SLC16A12: variants seen among roughly 807,000 people sequenced by gnomAD.
SLC16A12 encodes solute carrier family 16 member 12.
A neutral mutation model predicts 42.4 loss-of-function variants in SLC16A12; 17 were observed. The observed-to-expected ratio is 0.40, with a 90% CI of 0.27 to 0.60. The LOEUF (loss-of-function observed/expected upper bound fraction) is 0.60, where lower values mean the gene tolerates loss of function less well. Among genes scored for constraint, SLC16A12 ranks in the 20% least tolerant of loss-of-function variants. The probability of loss-of-function intolerance (pLI) is 0.42; values close to 1 mark genes in which losing one functional copy is unlikely to be tolerated. For synonymous variants in SLC16A12, 224 were observed against 229.4 expected, an observed-to-expected ratio of 0.98 and a Z score of 0.21; for missense variants, 544 against 623.0, an observed-to-expected ratio of 0.87 and a Z score of 1.35.
chr10:89,532,013 G>A (rs1367941900), intron 2 of SLC16A12, among the ~76,000 whole-genome samples: 1 of 152,184 alleles, frequency 6.6e-6, no homozygotes, highest in Non-Finnish European at 1.5e-5. Context: ...AGCTGCATCA[G>A]AGGCATGTTC....
chr10:89,430,632 T>C lies in SLC16A12; in HGVS notation c.*2432A>G, dbSNP rs1465997192. The stretch of plus-strand genomic sequence containing the variant: ...AATTCTGTGTAGAAATGTAAAATAG[T>C]AGACCTTAAGATGTACATTTTTCTT... On this transcript the variant is annotated 3_prime_UTR_variant, in exon 8 of 8. Coordinates refer to ENST00000371790, the MANE Select transcript of SLC16A12 (RefSeq NM_213606.4). 1 of 465,338 alleles carries C rather than the reference T, an allele frequency of 2.1e-6. No homozygotes were observed. The highest frequency in any genetic ancestry group is 7.0e-5 in the East Asian group (1 of 14,362). The allele number at this position is 465,338 out of a possible 1,614,324, so 28.8% of individuals were successfully genotyped here. A position where few individuals can be genotyped will look rare whatever the true frequency, so the allele number is the denominator to read the frequency against.
intron 2 of SLC16A12, among the ~76,000 whole-genome samples, chr10:89,514,538 G>A (rs941122612): frequency 5.3e-5 from 8 of 152,148 alleles, no homozygotes; most frequent in African/African-American, 1.9e-4. Context: ...TTGCTTACAT[G>A]GCCCTTCTCA....
intron 3 of SLC16A12, among the ~76,000 whole-genome samples, chr10:89,454,629 T>C (rs1290898437): frequency 1.3e-5 from 2 of 151,958 alleles, no homozygotes; most frequent in Non-Finnish European, 2.9e-5. Context: ...GATTTTTTTT[T>C]TAATATCTTT....
chr10:89,539,857 T>TTTC (rs1843700720), upstream of SLC16A12, among the ~76,000 whole-genome samples: 291 of 127,954 alleles, frequency 2.3e-3, 3 homozygotes, highest in African/African-American at 8.4e-3. Context: ...AGAAACAAAT[T>TTTC]TTTCTTTCTT....
chr10:89,513,854 T>C (rs1297448468), intron 2 of SLC16A12, among the ~76,000 whole-genome samples: 1 of 152,138 alleles, frequency 6.6e-6, no homozygotes, highest in Non-Finnish European at 1.5e-5. Context: ...CTATATTTTG[T>C]TGGTTGCTCA....
intron 2 of SLC16A12, among the ~76,000 whole-genome samples, chr10:89,520,880 G>A (rs1589724142): frequency 6.6e-6 from 1 of 152,132 alleles, no homozygotes; most frequent in African/African-American, 2.4e-5. Context: ...TGCTTGTTAT[G>A]TATTTAGTGG....
chr10:89,504,377 C>T (rs1469117630), intron 2 of SLC16A12, among the ~76,000 whole-genome samples: 6 of 152,174 alleles, frequency 3.9e-5, no homozygotes, highest in African/African-American at 1.4e-4. Context: ...AGTTCTCTAA[C>T]CCTAAAACAC....
chr10:89,525,797 T>A (rs1351296796), intron 2 of SLC16A12, among the ~76,000 whole-genome samples: 1 of 152,204 alleles, frequency 6.6e-6, no homozygotes, highest in Non-Finnish European at 1.5e-5. Flanking sequence ...GGAGTGGGGA[T>A]TTGACCTAAA....
chr10:89,458,145 T>C (rs17387244), intron 3 of SLC16A12, among the ~76,000 whole-genome samples: 25,938 of 152,212 alleles, frequency 0.17, 2,836 homozygotes, highest in Non-Finnish European at 0.23. Flanking sequence ...TTGATAAAGA[T>C]AAAATTGTTT....
intron 2 of SLC16A12, among the ~76,000 whole-genome samples, chr10:89,511,565 C>A (rs1468940255): frequency 6.6e-6 from 1 of 152,042 alleles, no homozygotes; most frequent in Non-Finnish European, 1.5e-5. Flanking sequence ...GAACATCACA[C>A]ACCAGGGCCT....
At chr10:89,521,262 C>T (rs752647990) in intron 2 of SLC16A12, among the ~76,000 whole-genome samples, 18 of 152,190 alleles carry the variant, frequency 1.2e-4, no homozygotes, top group Non-Finnish European at 2.2e-4. Flanking sequence ...CAAAGCCAGT[C>T]CAAGTCGAGA....
intron 2 of SLC16A12, among the ~76,000 whole-genome samples, chr10:89,494,086 G>C (rs1003942191): frequency 1.3e-5 from 2 of 152,162 alleles, no homozygotes; most frequent in African/African-American, 4.8e-5. Flanking sequence ...CTATAATACA[G>C]TAATGTTTAG....
intron 3 of SLC16A12, among the ~76,000 whole-genome samples, chr10:89,450,729 A>C (rs1021641692): frequency 3.9e-5 from 6 of 152,226 alleles, no homozygotes; most frequent in African/African-American, 1.4e-4. Context: ...CATGTTGTGC[A>C]CATGTACCCT....
intron 2 of SLC16A12, among the ~76,000 whole-genome samples, chr10:89,528,762 T>G (rs1843495527): frequency 6.6e-6 from 1 of 152,226 alleles, no homozygotes; most frequent in African/African-American, 2.4e-5. Flanking sequence ...ACCAGAGAGA[T>G]TTAAAAACTA....
rs186512966 is a variant in SLC16A12 at position 89,503,556 on chromosome 10, G to A, written c.-47+30945C>T. On this transcript the variant is annotated intron_variant, in intron 2 of 7. Transcript: ENST00000371790. ...AGAGAAAGAAGGCGAAGTCCAGTAA[G>A]GGCATGGAGCATATGAATTTCTAGA... Among the ~76,000 whole-genome samples, 11 of 152,358 alleles carry A rather than the reference G, an allele frequency of 7.2e-5. No individual in the cohort carries two copies. In the East Asian group the frequency reaches 2.1e-3, roughly 29 times the overall value.
In SLC16A12 at chr10:89,485,223, G is replaced by A. The variant is rs1356469757; in HGVS notation, c.-46-22599C>T. 1.3e-5 allele frequency among the ~76,000 whole-genome samples: 2 copies of A among 152,194 alleles called. 1 individual carries two copies. Among genetic ancestry groups the A allele is most frequent in the South Asian group, 4.1e-4 (2 of 4,832 alleles). On this transcript the variant is annotated intron_variant, in intron 2 of 7. Coordinates refer to ENST00000371790, the MANE Select transcript of SLC16A12 (RefSeq NM_213606.4). The stretch of plus-strand genomic sequence containing the variant: ...TCAGGGTGTGCTACTGGCATCTAGG[G>A]CACAGAGGCCAGGGATGCTGCTGAA...
At chr10:89,463,709 A>G (rs916031993) in intron 2 of SLC16A12, among the ~76,000 whole-genome samples, 3 of 152,242 alleles carry the variant, frequency 2.0e-5, no homozygotes, top group South Asian at 4.1e-4. Context: ...GCTTGGGGAA[A>G]AAAACATTAG....
chr10:89,447,595 C>T (rs1323193551), intron 3 of SLC16A12, among the ~76,000 whole-genome samples: 1 of 152,144 alleles, frequency 6.6e-6, no homozygotes, highest in Non-Finnish European at 1.5e-5. Context: ...ATGTCTGGGA[C>T]ACATTTAAAG....
intron 3 of SLC16A12, among the ~76,000 whole-genome samples, chr10:89,461,775 G>C (rs1386641234): frequency 2.6e-5 from 4 of 152,128 alleles, no homozygotes; most frequent in Non-Finnish European, 4.4e-5. Context: ...CCCTCCCCTG[G>C]AGCTATGCCA....
Sources: gnomAD v4.1 joint callset for allele counts (sites outside exome capture counted in the v4.1 genomes callset) on GRCh38, gnomAD v4.1.1 for gene constraint, MANE v1.5 for transcripts, NCBI Gene and HGNC (gene_info 2026-07-23, HGNC 2026-07-21) for gene names.